Variants in PCDHGA5 observed in about 807,000 individuals in gnomAD.
PCDHGA5 encodes the protein protocadherin gamma subfamily A, 5.
PCDHGA5 carries 36 observed loss-of-function variants against 56.7 expected under a neutral mutation model. That is an observed-to-expected ratio of 0.64 (90% CI 0.49 to 0.84). PCDHGA5 has a LOEUF of 0.84. PCDHGA5 is among the 40% of genes least tolerant of loss of function. The probability of loss-of-function intolerance (pLI) is 0.00; values close to 1 mark genes in which losing one functional copy is unlikely to be tolerated. For synonymous variants in PCDHGA5, 563 were observed against 520.2 expected, an observed-to-expected ratio of 1.08 and a Z score of -1.12; for missense variants, 1,305 against 1,201.5, an observed-to-expected ratio of 1.09 and a Z score of -1.27.
chr5:141,492,042 A>T, intron 1 of PCDHGA5: 1 of 519,520 alleles, frequency 1.9e-6, no homozygotes, highest in Non-Finnish European at 3.4e-6. Context: ...GCAGTCACAG[A>T]TCCACCCCTG....
At chr5:141,440,399 A>T (rs1215824479) in intron 1 of PCDHGA5, 1 of 152,164 alleles carries the variant, frequency 6.6e-6, no homozygotes, top group Non-Finnish European at 1.5e-5. Context: ...CCGAGAGGCA[A>T]TCGCACCACT....
chr5:141,486,869 C>G lies in PCDHGA5; in HGVS notation c.2422-7938C>G. On this transcript the variant is annotated intron_variant, in intron 1 of 3. Transcript: ENST00000518069. This position sits in a 1 kb window ranked among gnomAD's most constrained non-coding sequence, Gnocchi z 5.0. ...CCTCAATGACAATGCTCCAGCTGTG[C>G]TCCGTCCTCGGGCCCGGCCTGGTTC... The G allele has an allele frequency of 6.2e-7, 1 of 1,614,246 alleles. No homozygotes were observed. The highest frequency in any genetic ancestry group is 8.5e-7 in the Non-Finnish European group (1 of 1,180,042).
rs994009107 is a variant in PCDHGA5 at position 141,490,364 on chromosome 5, G to A, written c.2422-4443G>A. ...ACAGTAGTGGGGTTGTTTAATGTGC[G>A]AGACCGGGACTCAGGTAGAAATGGT... On this transcript the variant is annotated intron_variant, in intron 1 of 3. Transcript: ENST00000518069. The surrounding 1 kb of genome is among the most constrained non-coding windows in gnomAD (Gnocchi z 5.4). 7 of 1,614,056 alleles carry A rather than the reference G, an allele frequency of 4.3e-6. No individual in the cohort carries two copies. In the African/African-American group the frequency reaches 5.3e-5, roughly 12 times the overall value.
At chr5:141,376,679 T>TTTTTG in intron 1 of PCDHGA5, 5 of 528,402 alleles carry the variant, frequency 9.5e-6, no homozygotes, top group Admixed American at 9.3e-5. Context: ...GGGTATCGTT[T>TTTTTG]TTTTTTTTTT....
chr5:141,413,283 C>G (rs377443382), intron 1 of PCDHGA5: 1 of 1,613,966 alleles, frequency 6.2e-7, no homozygotes, highest in Admixed American at 1.7e-5. Context: ...GGCAGATCTC[C>G]TACTCAATTC....
At chr5:141,463,808 T>C (rs1018369312) in intron 1 of PCDHGA5, among the ~76,000 whole-genome samples, 2 of 152,196 alleles carry the variant, frequency 1.3e-5, no homozygotes, top group African/African-American at 4.8e-5. Flanking sequence ...CTAAAAGCTT[T>C]TATCACACAT....
At position 141,477,855 on chromosome 5, in the gene PCDHGA5, T is replaced by C; in HGVS notation, c.2422-16952T>C. The C allele has an allele frequency of 1.2e-6, 2 of 1,613,698 alleles. No individual in the cohort carries two copies. The highest frequency in any genetic ancestry group is 1.7e-6 in the Non-Finnish European group (2 of 1,179,882). On this transcript the variant is annotated intron_variant, in intron 1 of 3. Coordinates refer to ENST00000518069, the MANE Select transcript of PCDHGA5 (RefSeq NM_018918.3). The surrounding 1 kb of genome is among the most constrained non-coding windows in gnomAD (Gnocchi z 4.9). ...CCAGGTGGGAGCTCGGTGGAGATGC[T>C]GCCTCGAGGTACCTCAGCTGGCCAC...
intron 1 of PCDHGA5, among the ~76,000 whole-genome samples, chr5:141,458,883 C>A (rs1171747288): frequency 6.6e-6 from 1 of 152,136 alleles, no homozygotes; most frequent in East Asian, 1.9e-4. Flanking sequence ...CAGGCATGCA[C>A]ACCATGCGCA....
intron 1 of PCDHGA5, among the ~76,000 whole-genome samples, chr5:141,382,367 C>A (rs778668401): frequency 2.6e-5 from 4 of 151,894 alleles, no homozygotes; most frequent in Non-Finnish European, 5.9e-5. Context: ...TAAAATTTAC[C>A]TTTTTGCCTT....
intron 1 of PCDHGA5, chr5:141,423,090 G>GT (rs2096707772): frequency 2.5e-6 from 4 of 1,613,904 alleles, no homozygotes; most frequent in African/African-American, 2.7e-5. Flanking sequence ...TCGCGGTGGG[G>GT]GAGCACACGG....
Position 141,366,752 on chromosome 5 carries a change from G to A in PCDHGA5, c.2421+1G>A. The stretch of plus-strand genomic sequence containing the variant: ...AAACAAAGAAGAACGGCGAGTTCAG[G>A]TTAGTTTTCTCTTTCGGTAAGGATG... On this transcript the variant is annotated splice_donor_variant, in intron 1 of 3. Coordinates refer to ENST00000518069, the MANE Select transcript of PCDHGA5 (RefSeq NM_018918.3). LOFTEE classifies it high-confidence loss of function. 2 of 1,607,644 alleles carry A rather than the reference G, an allele frequency of 1.2e-6. No homozygotes were observed. Among genetic ancestry groups the A allele is most frequent in the Non-Finnish European group, 1.7e-6 (2 of 1,175,408 alleles).
Position 141,511,502 on chromosome 5 carries a change from A to C in PCDHGA5, c.*329A>C. The C allele has an allele frequency of 2.0e-5, 8 of 395,260 alleles. No individual in the cohort carries two copies. The highest frequency in any genetic ancestry group is 4.1e-5 in the African/African-American group (2 of 48,892). The allele number at this position is 395,260 out of a possible 1,614,324, so 24.5% of individuals were successfully genotyped here. A position where few individuals can be genotyped will look rare whatever the true frequency, so the allele number is the denominator to read the frequency against. ...CTGAACTCCTCCATCTTCCAAATCA[A>C]TCAGGCCCATCCATCCCATGCCTCC... On this transcript the variant is annotated 3_prime_UTR_variant, in exon 4 of 4. Transcript: ENST00000518069.
chr5:141,462,418 T>A (rs1187388192), intron 1 of PCDHGA5, among the ~76,000 whole-genome samples: 2 of 152,250 alleles, frequency 1.3e-5, no homozygotes, highest in African/African-American at 2.4e-5. Context: ...ATATGGTCTA[T>A]CTTGGTGAGT....
At chr5:141,481,649 C>G (rs1199734660) in intron 1 of PCDHGA5, among the ~76,000 whole-genome samples, 1 of 152,012 alleles carries the variant, frequency 6.6e-6, no homozygotes, top group African/African-American at 2.4e-5. Flanking sequence ...GAAACTTCAT[C>G]TCTACTAATA....
chr5:141,486,823 A>G lies in PCDHGA5; in HGVS notation c.2422-7984A>G, dbSNP rs778308736. On this transcript the variant is annotated intron_variant, in intron 1 of 3. Coordinates refer to ENST00000518069, the MANE Select transcript of PCDHGA5 (RefSeq NM_018918.3). The surrounding 1 kb of genome is among the most constrained non-coding windows in gnomAD (Gnocchi z 5.0). Reference sequence around the variant, plus strand: ...ACCCACCCCTTAGCAGCACTGTAACAGTTCGTCTATTTGTGCTGGACCTCA... The same window carrying G: ...ACCCACCCCTTAGCAGCACTGTAACGGTTCGTCTATTTGTGCTGGACCTCA... 1.2e-6 allele frequency: 2 copies of G among 1,614,104 alleles called. No individual in the cohort carries two copies. Among genetic ancestry groups the G allele is most frequent in the Admixed American group, 1.7e-5 (1 of 60,008 alleles).
At chr5:141,422,501 CCA>C in intron 1 of PCDHGA5, 1 of 1,613,928 alleles carries the variant, frequency 6.2e-7, no homozygotes, top group African/African-American at 1.3e-5. Flanking sequence ...ACGTTGACAG[CCA>C]CAGACCAGGG....
Position 141,405,224 on chromosome 5 carries a change from T to C in PCDHGA5, c.2421+38473T>C, listed in dbSNP as rs542102197. Reference sequence around the variant, plus strand: ...CCTACAGACCTATTCTCAGGAGTTCTCCCTCACCGCTGACTCAAGGAAGAG... The same window carrying C: ...CCTACAGACCTATTCTCAGGAGTTCCCCCTCACCGCTGACTCAAGGAAGAG... On this transcript the variant is annotated intron_variant, in intron 1 of 3. Coordinates refer to ENST00000518069, the MANE Select transcript of PCDHGA5 (RefSeq NM_018918.3). The C allele has an allele frequency of 2.6e-5, 42 of 1,614,036 alleles. No homozygotes were observed. The African/African-American group carries it at 4.7e-4, about 18-fold the overall frequency.
chr5:141,500,188 A>T (rs182086759), intron 2 of PCDHGA5, among the ~76,000 whole-genome samples: 173 of 98,190 alleles, frequency 1.8e-3, no homozygotes, highest in African/African-American at 4.0e-3. Flanking sequence ...TTTTATTTTT[A>T]TTTATTTATT....
chr5:141,365,312 G>C lies in PCDHGA5; in HGVS notation c.982G>C (p.Val328Leu). The change falls in exon 1 of 4, where the codon GTT becomes CTT. Residue 328 changes from valine (V) to leucine (L), a missense_variant. Val to Leu is a conservative substitution (Grantham distance 32). Coordinates refer to ENST00000518069, the MANE Select transcript of PCDHGA5 (RefSeq NM_018918.3). ...EVVAQDGGAL[V>L]ASAKVVVTVQ... ...GGTAGCTCAGGATGGAGGCGCTCTT[G>C]TTGCCAGCGCTAAGGTGGTGGTCAC... 1 of 1,614,006 alleles carries C rather than the reference G, an allele frequency of 6.2e-7. No homozygotes were observed. Among genetic ancestry groups the C allele is most frequent in the Non-Finnish European group, 8.5e-7 (1 of 1,179,894 alleles).
Sources: allele counts gnomAD v4.1 joint callset (sites outside exome capture counted in the v4.1 genomes callset), GRCh38; gene constraint gnomAD v4.1.1; non-coding constraint Gnocchi (gnomAD v3.1); transcripts MANE v1.5; gene names NCBI Gene and HGNC (gene_info 2026-07-23, HGNC 2026-07-21).